The following PDE4D variants were observed in gnomAD, a reference collection of about 807,000 sequenced individuals.
PDE4D encodes 3',5'-cyclic-AMP phosphodiesterase 4D.
In PDE4D, 24 loss-of-function variants were observed where a neutral mutation model predicts 87.4. The ratio of observed to expected loss-of-function variants is 0.27; its 90% CI spans 0.20 to 0.39. PDE4D has a LOEUF of 0.39. PDE4D is among the 10% of genes least tolerant of loss of function. PDE4D has a pLI of 1.00. For synonymous variants in PDE4D, 384 were observed against 383.2 expected, an observed-to-expected ratio of 1.00 and a Z score of -0.02; for missense variants, 714 against 1,041.0, an observed-to-expected ratio of 0.69 and a Z score of 4.32.
chr5:60,520,214 A>T (rs1257883292), intron 1 of PDE4D, among the ~76,000 whole-genome samples: 1 of 152,190 alleles, frequency 6.6e-6, no homozygotes, highest in Non-Finnish European at 1.5e-5. Flanking sequence ...GTCAACTGCC[A>T]GACTATGTTC....
intron 1 of PDE4D, among the ~76,000 whole-genome samples, chr5:59,468,443 A>T (rs897214471): frequency 1.9e-4 from 29 of 152,212 alleles, no homozygotes; most frequent in Non-Finnish European, 4.4e-5. Context: ...TACCTAAAAA[A>T]CAAAACACAA....
chr5:59,706,047 C>T lies in PDE4D; in HGVS notation c.455+187121G>A, dbSNP rs73101134. 8.6e-3 allele frequency among the ~76,000 whole-genome samples: 1,310 copies of T among 152,148 alleles called. 22 individuals are homozygous for T. Among genetic ancestry groups the T allele is most frequent in the African/African-American group, 0.031 (1,273 of 41,506 alleles). ...TGTTTGGTCCATCTCTAGACTAGTA[C>T]CTTGACCACTAGTACTCTTTCAGAG... On this transcript the variant is annotated intron_variant, in intron 1 of 14. Coordinates refer to ENST00000340635, the MANE Select transcript of PDE4D (RefSeq NM_001104631.2).
At chr5:60,217,178 C>T (rs1743949256) in intron 1 of PDE4D, among the ~76,000 whole-genome samples, 1 of 151,926 alleles carries the variant, frequency 6.6e-6, no homozygotes, top group African/African-American at 2.4e-5. Flanking sequence ...TTGTATAATT[C>T]CTCTTATATT....
At chr5:59,690,767 T>C (rs566610933) in intron 1 of PDE4D, among the ~76,000 whole-genome samples, 12 of 152,224 alleles carry the variant, frequency 7.9e-5, no homozygotes, top group Admixed American at 7.2e-4. Flanking sequence ...GAAACTACCA[T>C]TGGAGTGAAC....
At chr5:59,214,904 T>C (rs1750889296) in intron 2 of PDE4D, among the ~76,000 whole-genome samples, 1 of 152,204 alleles carries the variant, frequency 6.6e-6, no homozygotes, top group African/African-American at 2.4e-5. Context: ...CCATACAGAC[T>C]AATTCTTATA....
intron 2 of PDE4D, among the ~76,000 whole-genome samples, chr5:60,145,180 A>C (rs1287861989): frequency 6.6e-6 from 1 of 152,064 alleles, no homozygotes; most frequent in African/African-American, 2.4e-5. Flanking sequence ...CCCAGAAGTC[A>C]CTCCTTGTAA....
Position 60,429,597 on chromosome 5 carries a change from T to C in PDE4D, c.-90+58345A>G, listed in dbSNP as rs548962122. 2.0e-5 allele frequency among the ~76,000 whole-genome samples: 3 copies of C among 152,294 alleles called. No individual in the cohort carries two copies. The South Asian group carries it at 6.2e-4, about 32-fold the overall frequency. ...TGCCCATTCAGTGTGATGTTGGCTG[T>C]GGGTTTTGTTGTGGATGGCTTACTA... On this transcript the variant is annotated intron_variant, in intron 1 of 16. Transcript: ENST00000502484.
At chr5:60,057,720 C>A (rs1031063751) in intron 2 of PDE4D, among the ~76,000 whole-genome samples, 1 of 151,962 alleles carries the variant, frequency 6.6e-6, no homozygotes, top group Non-Finnish European at 1.5e-5. Context: ...GGATTCCTAT[C>A]TGTAACATGC....
chr5:59,953,392 A>T (rs1003161570), intron 3 of PDE4D, among the ~76,000 whole-genome samples: 1 of 152,204 alleles, frequency 6.6e-6, no homozygotes, highest in Non-Finnish European at 1.5e-5. Flanking sequence ...AGCCATAAAA[A>T]TGAAACAATT....
chr5:59,406,489 C>T (rs1023047651), intron 1 of PDE4D, among the ~76,000 whole-genome samples: 1 of 146,524 alleles, frequency 6.8e-6, no homozygotes, highest in Admixed American at 7.0e-5. Context: ...CTCCCAGGTT[C>T]AAGCAATTCT....
chr5:60,249,416 T>C (rs1748174743), intron 1 of PDE4D, among the ~76,000 whole-genome samples: 1 of 152,056 alleles, frequency 6.6e-6, no homozygotes, highest in Admixed American at 6.6e-5. Flanking sequence ...GAGTAAAGCA[T>C]TAAAATGTTT....
rs558135475 is a variant in PDE4D at position 60,258,626 on chromosome 5, T to A, written c.-89-72939A>T. 5.3e-5 allele frequency among the ~76,000 whole-genome samples: 8 copies of A among 151,954 alleles called. No individual in the cohort carries two copies. The South Asian group carries it at 1.7e-3, about 32-fold the overall frequency. Reference sequence around the variant, plus strand: ...ATAAAAATATTCCTGTTTAAAAATGTCTACTCCAGCTCTTGCATATAAATA... The same window carrying A: ...ATAAAAATATTCCTGTTTAAAAATGACTACTCCAGCTCTTGCATATAAATA... On this transcript the variant is annotated intron_variant, in intron 1 of 16. Transcript: ENST00000502484.
At chr5:59,031,411 T>C (rs914656391) in intron 6 of PDE4D, among the ~76,000 whole-genome samples, 1 of 99,542 alleles carries the variant, frequency 1.0e-5, no homozygotes, top group Admixed American at 1.0e-4. Flanking sequence ...TATATATATA[T>C]ATATAGATTA....
intron 6 of PDE4D, among the ~76,000 whole-genome samples, chr5:59,011,222 A>T (rs1222150246): frequency 6.6e-6 from 1 of 152,158 alleles, no homozygotes; most frequent in Non-Finnish European, 1.5e-5. Flanking sequence ...AAGTTCTAAA[A>T]ATCAGAGCTC....
intron 1 of PDE4D, among the ~76,000 whole-genome samples, chr5:59,519,093 T>C (rs1811715587): frequency 6.6e-6 from 1 of 152,202 alleles, no homozygotes; most frequent in Non-Finnish European, 1.5e-5. Context: ...CTTTCTTCTT[T>C]CAACTTTCCT....
chr5:59,882,570 AT>A (rs1026125478), intron 1 of PDE4D, among the ~76,000 whole-genome samples: 8 of 152,110 alleles, frequency 5.3e-5, no homozygotes, highest in Non-Finnish European at 1.2e-4. Context: ...CATCAACCTC[AT>A]TTTTGGTAAG....
intron 1 of PDE4D, among the ~76,000 whole-genome samples, chr5:59,642,877 C>T (rs541201555): frequency 3.9e-5 from 6 of 152,214 alleles, no homozygotes; most frequent in Non-Finnish European, 7.4e-5. Flanking sequence ...TAACAAAATA[C>T]TTCTAATAAA....
At chr5:59,998,048 T>C (rs991557014) in intron 2 of PDE4D, among the ~76,000 whole-genome samples, 7 of 152,212 alleles carry the variant, frequency 4.6e-5, no homozygotes, top group South Asian at 2.1e-4. Context: ...GAATGTCTCA[T>C]GTGGTCTGAG....
At chr5:59,353,429 C>T (rs1780851326) in intron 1 of PDE4D, among the ~76,000 whole-genome samples, 1 of 151,514 alleles carries the variant, frequency 6.6e-6, no homozygotes, top group African/African-American at 2.4e-5. Flanking sequence ...TTCTTGAGCA[C>T]ATCATTCTCC....
Sources: gnomAD v4.1 joint callset for allele counts (sites outside exome capture counted in the v4.1 genomes callset) on GRCh38, gnomAD v4.1.1 for gene constraint, MANE v1.5 for transcripts, NCBI Gene and HGNC (gene_info 2026-07-23, HGNC 2026-07-21) for gene names.